TTLL5: variants seen among roughly 807,000 people sequenced by gnomAD.
The protein encoded by TTLL5 is tubulin polyglutamylase TTLL5.
TTLL5 carries 132 observed loss-of-function variants against 168.4 expected under a neutral mutation model. The ratio of observed to expected loss-of-function variants is 0.78; its 90% CI spans 0.68 to 0.91. The LOEUF is 0.91. TTLL5 is among the 40% of genes least tolerant of loss of function. The pLI is 0.00. For synonymous variants in TTLL5, 546 were observed against 558.6 expected (o/e 0.98, Z 0.32); for missense variants, 1,545 against 1,581.5 (o/e 0.98, Z 0.39).
intron 31 of TTLL5, among the ~76,000 whole-genome samples, chr14:75,912,265 GCT>G (rs903299928): frequency 5.9e-5 from 9 of 152,106 alleles, no homozygotes; most frequent in Admixed American, 5.9e-4. Context: ...GGTGGGCAGA[GCT>G]CTCTCTCCCA....
At chr14:75,863,925 A>G in intron 29 of TTLL5, 63 bp downstream of exon 29, 1 of 1,332,632 alleles carries the variant, frequency 7.5e-7, no homozygotes, top group Non-Finnish European at 9.9e-7. Flanking sequence ...AAAAAAAAAA[A>G]AAAAAAAAAG....
chr14:75,949,131 G>A (rs559032583), intron 31 of TTLL5, among the ~76,000 whole-genome samples: 7 of 151,940 alleles, frequency 4.6e-5, no homozygotes, highest in South Asian at 2.1e-4. Context: ...CAAAAAGAAC[G>A]TTCAAATAGA....
At chr14:75,672,161 G>A (rs994010495) in intron 3 of TTLL5, among the ~76,000 whole-genome samples, 3 of 152,206 alleles carry the variant, frequency 2.0e-5, no homozygotes, top group African/African-American at 7.2e-5. Flanking sequence ...TACATTGACT[G>A]ACTTTTTGTG....
intron 27 of TTLL5, among the ~76,000 whole-genome samples, chr14:75,818,789 A>T (rs143956344): frequency 0.031 from 4,719 of 151,536 alleles, 223 homozygotes; most frequent in Non-Finnish European, 0.034. Context: ...GTGAGCCACC[A>T]CGCCCGGACT....
intron 31 of TTLL5, among the ~76,000 whole-genome samples, chr14:75,910,976 A>G (rs911984726): frequency 1.3e-5 from 2 of 152,030 alleles, no homozygotes; most frequent in Admixed American, 6.6e-5. Context: ...TAAAACTTGA[A>G]TGCAGGGTTT....
intron 28 of TTLL5, among the ~76,000 whole-genome samples, chr14:75,846,449 C>T (rs761431560): frequency 2.0e-5 from 3 of 152,108 alleles, no homozygotes; most frequent in Non-Finnish European, 2.9e-5. Context: ...TTAATAGTTA[C>T]AGTATTTTAG....
chr14:75,826,695 ATAATT>A (rs1895162875), intron 28 of TTLL5, among the ~76,000 whole-genome samples: 2 of 152,252 alleles, frequency 1.3e-5, no homozygotes, highest in South Asian at 4.2e-4. Context: ...TGTTTTATTT[ATAATT>A]TAGTTTAATT....
chr14:75,846,679 AC>A (rs1896561550), intron 28 of TTLL5, among the ~76,000 whole-genome samples: 1 of 151,840 alleles, frequency 6.6e-6, no homozygotes, highest in Non-Finnish European at 1.5e-5. Context: ...AATCCCAGCT[AC>A]AAGGGAGGCT....
At chr14:75,787,255 T>A (rs1019323132) in intron 26 of TTLL5, among the ~76,000 whole-genome samples, 1 of 152,142 alleles carries the variant, frequency 6.6e-6, no homozygotes, top group Non-Finnish European at 1.5e-5. Context: ...ATATGCTGTT[T>A]ACCAGAGGCA....
At chr14:75,862,518 T>TAGCC (rs2030102525) in intron 28 of TTLL5, among the ~76,000 whole-genome samples, 2 of 152,204 alleles carry the variant, frequency 1.3e-5, no homozygotes, top group South Asian at 4.1e-4. Context: ...GTTTTAATAA[T>TAGCC]AGCCAAATGG....
At chr14:75,836,455 A>C (rs1895873600) in intron 28 of TTLL5, among the ~76,000 whole-genome samples, 1 of 152,140 alleles carries the variant, frequency 6.6e-6, no homozygotes, top group Admixed American at 6.5e-5. Context: ...TACAAAAAAA[A>C]AATAGAATGA....
chr14:75,681,443 G>A, intron 3 of TTLL5, 102 bp from the exon 4 acceptor site: 1 of 842,498 alleles, frequency 1.2e-6, no homozygotes, highest in Non-Finnish European at 1.9e-6. Flanking sequence ...TTTAATGGTA[G>A]CATGTAATGT....
At chr14:75,726,340 A>G (rs984144117) in intron 12 of TTLL5, among the ~76,000 whole-genome samples, 1 of 152,132 alleles carries the variant, frequency 6.6e-6, no homozygotes, top group Non-Finnish European at 1.5e-5. Flanking sequence ...GATCAGGGTT[A>G]TTTTGTAGGA....
intron 14 of TTLL5, among the ~76,000 whole-genome samples, chr14:75,734,830 C>T (rs1023913909): frequency 7.9e-5 from 12 of 152,364 alleles, no homozygotes; most frequent in Admixed American, 2.0e-4. Flanking sequence ...ATTTTCCAGT[C>T]ATCATCCAGG....
chr14:75,897,626 G>A (rs1196733784), intron 30 of TTLL5, among the ~76,000 whole-genome samples: 1 of 151,962 alleles, frequency 6.6e-6, no homozygotes, highest in East Asian at 1.9e-4. Flanking sequence ...ACAGGCATGA[G>A]CCACCACGCC....
At chr14:75,944,676 G>A (rs910533834) in intron 31 of TTLL5, among the ~76,000 whole-genome samples, 1 of 151,406 alleles carries the variant, frequency 6.6e-6, no homozygotes, top group African/African-American at 2.4e-5. Context: ...AACCAGGAAT[G>A]TCAGGTGACC....
intron 27 of TTLL5, chr14:75,818,653 A>AT: frequency 2.1e-5 from 2 of 97,336 alleles, no homozygotes; most frequent in South Asian, 1.1e-4. Context: ...ACGCCTGGCT[A>AT]ATTTTTTTTT....
chr14:75,922,802 T>G (rs1286178129), intron 31 of TTLL5, among the ~76,000 whole-genome samples: 2 of 152,210 alleles, frequency 1.3e-5, no homozygotes, highest in African/African-American at 4.8e-5. Context: ...TCAGAAGGAA[T>G]GGCACCATCT....
chr14:75,845,881 G>GT (rs1265422772), intron 28 of TTLL5, among the ~76,000 whole-genome samples: 2 of 152,024 alleles, frequency 1.3e-5, no homozygotes, highest in African/African-American at 2.4e-5. Context: ...GCCTAGACCT[G>GT]TTTTTTTGGT....
Sources: allele counts gnomAD v4.1 joint callset (sites outside exome capture counted in the v4.1 genomes callset), GRCh38; gene constraint gnomAD v4.1.1; transcripts MANE v1.5; gene names NCBI Gene and HGNC (gene_info 2026-07-23, HGNC 2026-07-21).